Variants in EZH1 observed in about 807,000 individuals in gnomAD.
EZH1 encodes enhancer of zeste 1 polycomb repressive complex 2 subunit, also known as histone-lysine N-methyltransferase EZH1.
Under a neutral mutation model 100.5 loss-of-function variants are expected in EZH1, and 33 were observed. That is an observed-to-expected ratio of 0.33 (90% CI 0.25 to 0.44). EZH1 has a LOEUF of 0.44. Among genes scored for constraint, EZH1 ranks in the 20% least tolerant of loss-of-function variants. The probability of loss-of-function intolerance (pLI) is 1.00; values close to 1 mark genes in which losing one functional copy is unlikely to be tolerated. For synonymous variants in EZH1, 272 were observed against 313.8 expected (o/e 0.87, Z 1.41); for missense variants, 475 against 928.4 (o/e 0.51, Z 6.35).
At position 42,720,286 on chromosome 17, in the gene EZH1, T is replaced by C; in HGVS notation, c.651A>G (p.Arg217=). ...EDLPVTRKRK[R]HAIEGNKKSS... Reference sequence around the variant, plus strand: ...AGTGCTACGTACCTTCAATAGCATGTCGCTTTCTCTTTCTTGTTACTGGCA... The same window carrying C: ...AGTGCTACGTACCTTCAATAGCATGCCGCTTTCTCTTTCTTGTTACTGGCA... The change falls in exon 7 of 21, where the codon CGA becomes CGG. Residue 217 remains arginine, a synonymous_variant. Coordinates refer to ENST00000428826, the MANE Select transcript of EZH1 (RefSeq NM_001991.5). 6.2e-7 allele frequency: 1 copy of C among 1,613,676 alleles called. No individual in the cohort carries two copies. The highest frequency in any genetic ancestry group is 8.5e-7 in the Non-Finnish European group (1 of 1,179,822).
rs1158924245 is a variant in EZH1, at chr17:42,706,938, T to A, written c.1661-753A>T. Among the ~76,000 whole-genome samples, 2 of 152,148 alleles carry A rather than the reference T, an allele frequency of 1.3e-5. No homozygotes were observed. Among genetic ancestry groups the A allele is most frequent in the African/African-American group, 2.4e-5 (1 of 41,424 alleles). ...AACCACTTCTCTGCTGCGGCTAAGA[T>A]CACTATCTGCTATGGGTTAGGAGGT... is the stretch of plus-strand genomic sequence containing the variant. On this transcript the variant is annotated intron_variant, in intron 15 of 20. Transcript: ENST00000428826. The surrounding 1 kb of genome is among the most constrained non-coding windows in gnomAD (Gnocchi z 4.4).
At chr17:42,737,516 C>T (rs2054089216) in intron 1 of EZH1, among the ~76,000 whole-genome samples, 1 of 151,972 alleles carries the variant, frequency 6.6e-6, no homozygotes, top group Admixed American at 6.6e-5. Context: ...GGTGAGAAGA[C>T]AGATGGAGCC....
chr17:42,704,989 T>C lies in EZH1; in HGVS notation c.1935+99A>G, dbSNP rs1163191354. 6.7e-6 allele frequency: 7 copies of C among 1,045,424 alleles called. No homozygotes were observed. The Admixed American group carries it at 1.3e-4, about 20-fold the overall frequency. 64.8% of individuals were successfully genotyped at this position (1,045,424 alleles called of 1,614,324 possible). On this transcript the variant is annotated intron_variant, in intron 17 of 20. Coordinates refer to ENST00000428826, the MANE Select transcript of EZH1 (RefSeq NM_001991.5). ...AGGCCACGTGAGAACACAGCTGAGTTATTTAGAGATTAATTCAAAGAAGCC... is the reference window on the plus strand; with the variant it reads ...AGGCCACGTGAGAACACAGCTGAGTCATTTAGAGATTAATTCAAAGAAGCC...
chr17:42,744,659 G>A (rs1006454518), intron 1 of EZH1, among the ~76,000 whole-genome samples: 1 of 152,162 alleles, frequency 6.6e-6, no homozygotes, highest in Non-Finnish European at 1.5e-5. Context: ...GCCCCCGCAG[G>A]TGCCACCGCC....
chr17:42,720,641 T>C (rs2053687080), intron 6 of EZH1, among the ~76,000 whole-genome samples, 192 bp from the exon 7 acceptor site: 1 of 152,150 alleles, frequency 6.6e-6, no homozygotes, highest in Admixed American at 6.6e-5. Flanking sequence ...AGAGTAGGAA[T>C]ACAGCTATAG....
chr17:42,716,567 T>C lies in EZH1; in HGVS notation c.1023+1409A>G, dbSNP rs114431931. ...GCATACATTTCAGGCATTGGCAGCA[T>C]CTTCGTAATACATGTACAGGGTATC... On this transcript the variant is annotated intron_variant, in intron 10 of 20. Coordinates refer to ENST00000428826, the MANE Select transcript of EZH1 (RefSeq NM_001991.5). 6.9e-3 allele frequency among the ~76,000 whole-genome samples: 1,046 copies of C among 152,290 alleles called. 10 individuals carry two copies. Among genetic ancestry groups the C allele is most frequent in the African/African-American group, 0.024 (1,003 of 41,554 alleles).
At chr17:42,731,284 A>G (rs981120969) in intron 1 of EZH1, among the ~76,000 whole-genome samples, 1 of 151,724 alleles carries the variant, frequency 6.6e-6, no homozygotes, top group Non-Finnish European at 1.5e-5. Flanking sequence ...TAGCCGGCCA[A>G]ATTTTTTTGT....
Position 42,727,617 on chromosome 17 carries a change from T to C in EZH1, c.246+18A>G. Reference sequence around the variant, plus strand: ...CCCAAGGAAGAGAGGAAGACTGAGCTTAAACTCCCAAAAGTACCTTTTTGA... The same window carrying C: ...CCCAAGGAAGAGAGGAAGACTGAGCCTAAACTCCCAAAAGTACCTTTTTGA... On this transcript the variant is annotated intron_variant, in intron 4 of 20. Transcript: ENST00000428826. 1 of 1,601,312 alleles carries C rather than the reference T, an allele frequency of 6.2e-7. No individual in the cohort carries two copies. The highest frequency in any genetic ancestry group is 1.4e-5 in the African/African-American group (1 of 74,002).
intron 2 of EZH1, 63 bp from the exon 3 acceptor site, chr17:42,729,015 CAAA>C (rs373619081): frequency 7.6e-4 from 733 of 963,908 alleles, no homozygotes; most frequent in South Asian, 1.4e-3. Flanking sequence ...TCCTCAAATA[CAAA>C]AAAAAAAAAA....
rs780768939 is a variant in EZH1 at position 42,727,642 on chromosome 17, A to G, written c.239T>C (p.Leu80Pro). 8.1e-6 allele frequency: 13 copies of G among 1,611,644 alleles called. No homozygotes were observed. In the South Asian group the frequency reaches 1.3e-4, roughly 16 times the overall value. ...SMKPVSGHPF[L>P]KKCTIESIFP... is the part of the protein sequence containing the mutation. Reference sequence around the variant, plus strand: ...TTAAACTCCCAAAAGTACCTTTTTGAGAAAAGGGTGTCCACTCACAGGCTT... The same window carrying G: ...TTAAACTCCCAAAAGTACCTTTTTGGGAAAAGGGTGTCCACTCACAGGCTT... Residue 80 changes from leucine to proline, a missense_variant, in exon 4 of 21, where the codon CTC becomes CCC. Coordinates refer to ENST00000428826, the MANE Select transcript of EZH1 (RefSeq NM_001991.5).
intron 15 of EZH1, 107 bp downstream of exon 15, chr17:42,707,846 AAAGGG>A: frequency 1.5e-6 from 2 of 1,318,712 alleles, no homozygotes; most frequent in Non-Finnish European, 2.1e-6. Flanking sequence ...AAAACACAGC[AAAGGG>A]GATATCAGAA....
intron 1 of EZH1, among the ~76,000 whole-genome samples, chr17:42,737,203 C>A (rs2143876870): frequency 6.6e-6 from 1 of 152,276 alleles, no homozygotes; most frequent in Non-Finnish European, 1.5e-5. Flanking sequence ...CTAGGCTCGT[C>A]TTGAACTCCT....
chr17:42,722,930 G>T lies in EZH1; in HGVS notation c.367-15C>A, dbSNP rs755344014. 6 of 1,610,590 alleles carry T rather than the reference G, an allele frequency of 3.7e-6. No homozygotes were observed. Among genetic ancestry groups the T allele is most frequent in the African/African-American group, 2.7e-5 (2 of 74,798 alleles). On this transcript the variant is annotated splice_polypyrimidine_tract_variant and intron_variant, in intron 5 of 20. Transcript: ENST00000428826. ...TCATCTTCTACCTGAAACCAAACCA[G>T]ATGTGATTTATTCCATGAAGCCATC...
intron 12 of EZH1, among the ~76,000 whole-genome samples, chr17:42,711,472 C>CA (rs1277276372): frequency 1.3e-5 from 2 of 150,806 alleles, no homozygotes; most frequent in Admixed American, 6.6e-5. Context: ...GACTCCATCT[C>CA]AAAAAAACAA....
intron 20 of EZH1, 47 bp downstream of exon 20, chr17:42,702,830 T>G: frequency 1.3e-6 from 2 of 1,598,722 alleles, no homozygotes; most frequent in Non-Finnish European, 1.7e-6. Flanking sequence ...ACAGCCACTC[T>G]TTCCAATTCC....
chr17:42,719,354 C>T (rs1046616670), intron 7 of EZH1, 147 bp from the exon 8 acceptor site: 1 of 646,792 alleles, frequency 1.5e-6, no homozygotes. Flanking sequence ...ATATAAACAT[C>T]AGTGCTATCT....
chr17:42,744,859 G>T (rs1043676183), intron 1 of EZH1, among the ~76,000 whole-genome samples, 152 bp downstream of exon 1: 1 of 152,076 alleles, frequency 6.6e-6, no homozygotes, highest in South Asian at 2.1e-4. Context: ...GGAATGAGGA[G>T]GGGCGCCTGC....
At position 42,720,325 on chromosome 17, in the gene EZH1, G is replaced by A; in HGVS notation, c.612C>T (p.Asp204=). ...HNDTSDGKQD[D]SKEDLPVTRK... ...TTGTTACTGGCAGATCTTCTTTGCT[G>A]TCATCCTGCTTTCCATCTGAGGTGT... Residue 204 remains aspartate, a synonymous_variant, in exon 7 of 21, where the codon GAC becomes GAT. Coordinates refer to ENST00000428826, the MANE Select transcript of EZH1 (RefSeq NM_001991.5). 2 of 1,614,138 alleles carry A rather than the reference G, an allele frequency of 1.2e-6. No individual in the cohort carries two copies. The highest frequency in any genetic ancestry group is 1.7e-6 in the Non-Finnish European group (2 of 1,180,016).
chr17:42,718,045 T>C lies in EZH1; in HGVS notation c.954A>G (p.Val318=), dbSNP rs147305819. 3 of 1,614,076 alleles carry C rather than the reference T, an allele frequency of 1.9e-6. No homozygotes were observed. In the African/African-American group the frequency reaches 4.0e-5, roughly 22 times the overall value. The part of the protein sequence containing the change: ...FLHPFHATPN[V]YKRKNKEIKI... ...TGATTTCTTTATTCTTGCGTTTATA[T>C]ACATTAGGGGTGGCATGAAAAGCTG... The change falls in exon 10 of 21, where the codon GTA becomes GTG. Residue 318 remains valine, a synonymous_variant. Transcript: ENST00000428826. This position sits in a 1 kb window ranked among gnomAD's most constrained non-coding sequence, Gnocchi z 4.2.
Sources: gnomAD v4.1 joint callset for allele counts (sites outside exome capture counted in the v4.1 genomes callset) on GRCh38, gnomAD v4.1.1 for gene constraint, Gnocchi (gnomAD v3.1) non-coding constraint, MANE v1.5 for transcripts, NCBI Gene and HGNC (gene_info 2026-07-23, HGNC 2026-07-21) for gene names.